The following CNTNAP4 variants were observed in gnomAD, a reference collection of about 807,000 sequenced individuals.
The protein encoded by CNTNAP4 is contactin associated protein family member 4, also known as contactin-associated protein-like 4.
CNTNAP4 carries 98 observed loss-of-function variants against 148.4 expected under a neutral mutation model. That is an observed-to-expected ratio of 0.66 (90% CI 0.56 to 0.78). The LOEUF (loss-of-function observed/expected upper bound fraction) is 0.78. CNTNAP4 is among the 30% of genes least tolerant of loss of function. CNTNAP4 has a pLI of 0.00. For synonymous variants in CNTNAP4, 730 were observed against 565.1 expected, an observed-to-expected ratio of 1.29 and a Z score of -4.14; for missense variants, 1,935 against 1,565.6, an observed-to-expected ratio of 1.24 and a Z score of -3.98.
intron 1 of CNTNAP4, among the ~76,000 whole-genome samples, chr16:76,304,933 CA>C (rs1189895555): frequency 6.6e-6 from 1 of 152,132 alleles, no homozygotes; most frequent in East Asian, 1.9e-4. Flanking sequence ...AATTGTACAT[CA>C]GTAGTCTGTT....
chr16:76,458,277 T>G (rs1037937936), intron 8 of CNTNAP4, among the ~76,000 whole-genome samples: 16 of 152,178 alleles, frequency 1.1e-4, no homozygotes, highest in African/African-American at 3.1e-4. Context: ...GGCATCTTTT[T>G]TGGTCAGTGG....
At chr16:76,299,696 G>A (rs1200798604) in intron 1 of CNTNAP4, among the ~76,000 whole-genome samples, 3 of 152,156 alleles carry the variant, frequency 2.0e-5, no homozygotes, top group African/African-American at 7.2e-5. Flanking sequence ...ACACGCACAG[G>A]TATGTTTATT....
intron 12 of CNTNAP4, among the ~76,000 whole-genome samples, chr16:76,483,399 G>A (rs2081913409): frequency 6.6e-6 from 1 of 152,038 alleles, no homozygotes; most frequent in Non-Finnish European, 1.5e-5. Flanking sequence ...GCAAGCCTCT[G>A]GTCACAACGG....
At chr16:76,407,992 A>G (rs1302707503) in intron 3 of CNTNAP4, among the ~76,000 whole-genome samples, 1 of 152,146 alleles carries the variant, frequency 6.6e-6, no homozygotes, top group Non-Finnish European at 1.5e-5. Context: ...GCAGCGATCA[A>G]TATCGAGGCA....
rs1310750012 is a variant in CNTNAP4 at position 76,489,764 on chromosome 16, C to A, written c.1961C>A (p.Ala654Asp). The A allele has an allele frequency of 1.2e-6, 2 of 1,604,282 alleles. No individual in the cohort carries two copies. Among genetic ancestry groups the A allele is most frequent in the East Asian group, 4.5e-5 (2 of 44,636 alleles). The change falls in exon 13 of 24, where the codon GCT becomes GAT. Residue 654 changes from alanine to aspartate, a missense_variant. Ala to Asp is a moderately radical substitution (Grantham distance 126, BLOSUM62 -2). Transcript: ENST00000611870. ...VRNTNPENPY[A>D]GFFEYVASME... ...AATACTAATCCAGAGAACCCATATGCTGGGTTTTTCGAGTATGTGGCCAGC... is the reference window on the plus strand; with the variant it reads ...AATACTAATCCAGAGAACCCATATGATGGGTTTTTCGAGTATGTGGCCAGC...
At chr16:76,387,570 C>G (rs1330920938) in intron 3 of CNTNAP4, among the ~76,000 whole-genome samples, 1 of 152,040 alleles carries the variant, frequency 6.6e-6, no homozygotes, top group Non-Finnish European at 1.5e-5. Context: ...TATAATCAGG[C>G]TTTGTGATAA....
At chr16:76,497,398 A>G (rs967613323) in intron 14 of CNTNAP4, among the ~76,000 whole-genome samples, 1 of 152,230 alleles carries the variant, frequency 6.6e-6, no homozygotes, top group Non-Finnish European at 1.5e-5. Flanking sequence ...TTGAAATACA[A>G]TAAATATAGC....
chr16:76,454,791 G>T (rs1423118795), intron 8 of CNTNAP4, among the ~76,000 whole-genome samples: 1 of 152,108 alleles, frequency 6.6e-6, no homozygotes, highest in Non-Finnish European at 1.5e-5. Flanking sequence ...ACTTTCAAGA[G>T]AACCATGTCT....
chr16:76,408,655 CT>C (rs2078689539), intron 3 of CNTNAP4, among the ~76,000 whole-genome samples: 1 of 151,874 alleles, frequency 6.6e-6, no homozygotes, highest in Non-Finnish European at 1.5e-5. Flanking sequence ...AAAATAGAAT[CT>C]AAAGAAGTGA....
intron 17 of CNTNAP4, among the ~76,000 whole-genome samples, chr16:76,534,554 C>A (rs1469900544): frequency 6.6e-6 from 1 of 152,078 alleles, no homozygotes; most frequent in Non-Finnish European, 1.5e-5. Flanking sequence ...TAAGAGTATT[C>A]CTGGACACAA....
At chr16:76,393,035 A>G (rs1025270314) in intron 3 of CNTNAP4, among the ~76,000 whole-genome samples, 7 of 152,180 alleles carry the variant, frequency 4.6e-5, no homozygotes, top group East Asian at 3.9e-4. Context: ...AACAAGCACA[A>G]TTGTCTAAAT....
chr16:76,433,699 G>A (rs1597520398), intron 4 of CNTNAP4, among the ~76,000 whole-genome samples: 1 of 152,056 alleles, frequency 6.6e-6, no homozygotes, highest in East Asian at 1.9e-4. Flanking sequence ...GGGGAAGAAT[G>A]AAAAGCAATA....
intron 1 of CNTNAP4, among the ~76,000 whole-genome samples, chr16:76,282,655 A>G (rs941597390): frequency 6.6e-6 from 1 of 151,920 alleles, no homozygotes; most frequent in Non-Finnish European, 1.5e-5. Context: ...CTGCCCACTA[A>G]GAGCTCATGA....
At chr16:76,332,566 TA>T (rs1181420164) in intron 2 of CNTNAP4, among the ~76,000 whole-genome samples, 1 of 152,132 alleles carries the variant, frequency 6.6e-6, no homozygotes, top group Middle Eastern at 3.2e-3. Context: ...CTTTTTATAC[TA>T]TTTTTATTGA....
intron 15 of CNTNAP4, among the ~76,000 whole-genome samples, chr16:76,512,351 C>T (rs568008626): frequency 1.3e-5 from 2 of 152,134 alleles, no homozygotes; most frequent in South Asian, 4.1e-4. Flanking sequence ...TATCACCAAC[C>T]CAGCTGAGAA....
At chr16:76,330,200 C>T (rs910356386) in intron 2 of CNTNAP4, among the ~76,000 whole-genome samples, 2 of 152,108 alleles carry the variant, frequency 1.3e-5, no homozygotes, top group African/African-American at 2.4e-5. Flanking sequence ...TTTTAAATCA[C>T]CATAGTTTCA....
intron 23 of CNTNAP4, chr16:76,557,547 C>T (rs1269908987): frequency 1.3e-5 from 2 of 152,164 alleles, no homozygotes; most frequent in Non-Finnish European, 2.9e-5. Flanking sequence ...AGAGTTTTTA[C>T]AGCTTCATTA....
intron 2 of CNTNAP4, among the ~76,000 whole-genome samples, chr16:76,343,882 A>C (rs1039676588): frequency 2.0e-5 from 3 of 152,184 alleles, no homozygotes; most frequent in Non-Finnish European, 4.4e-5. Flanking sequence ...TCATAATAGC[A>C]AATCTTTTCT....
At chr16:76,514,250 T>A (rs985059696) in intron 15 of CNTNAP4, among the ~76,000 whole-genome samples, 1 of 152,168 alleles carries the variant, frequency 6.6e-6, no homozygotes, top group African/African-American at 2.4e-5. Context: ...TAGATAAGTG[T>A]TACTTATCTC....
Sources: allele counts gnomAD v4.1 joint callset (sites outside exome capture counted in the v4.1 genomes callset), GRCh38; gene constraint gnomAD v4.1.1; transcripts MANE v1.5; gene names NCBI Gene and HGNC (gene_info 2026-07-23, HGNC 2026-07-21).